WDR37: variants seen among roughly 807,000 people sequenced by gnomAD.
WDR37 encodes WD repeat-containing protein 37.
WDR37 carries 19 observed loss-of-function variants against 62.9 expected under a neutral mutation model. The observed-to-expected ratio is 0.30, with a 90% CI of 0.21 to 0.44. WDR37 has a LOEUF of 0.44. Ranked by LOEUF, WDR37 falls within the 20% of genes least tolerant of loss-of-function variation. The pLI is 1.00. For synonymous variants in WDR37, 250 were observed against 260.9 expected (o/e 0.96, Z 0.40); for missense variants, 474 against 657.6 (o/e 0.72, Z 3.05).
intron 11 of WDR37, among the ~76,000 whole-genome samples, chr10:1,123,450 ACTTCCTGTTTCTC>A (rs748858749): frequency 2.0e-4 from 31 of 152,322 alleles, no homozygotes; most frequent in Non-Finnish European, 3.7e-4. Context: ...CCTCTGTTCT[ACTTCCTGTTTCTC>A]TGAATTTGCC....
chr10:1,098,669 A>T (rs1834683729), intron 9 of WDR37, among the ~76,000 whole-genome samples: 3 of 152,230 alleles, frequency 2.0e-5, no homozygotes, highest in African/African-American at 4.8e-5. Flanking sequence ...GGCACGCGGC[A>T]GGATGGCGGT....
chr10:1,066,076 T>C (rs1833529290), intron 1 of WDR37, among the ~76,000 whole-genome samples: 1 of 150,896 alleles, frequency 6.6e-6, no homozygotes, highest in Non-Finnish European at 1.5e-5. Flanking sequence ...ACACAAAAAA[T>C]AAAAAGAGAG....
In WDR37 at chr10:1,075,784, C is replaced by CTTTTTTTT. The variant is rs11387795; in HGVS notation, c.139-2115_139-2108dup. Among the ~76,000 whole-genome samples the CTTTTTTTT allele has an allele frequency of 2.7e-3, 385 of 140,928 alleles. 1 individual carries two copies. Among genetic ancestry groups the CTTTTTTTT allele is most frequent in the East Asian group, 5.0e-3 (24 of 4,828 alleles). 92.5% of individuals were successfully genotyped at this position (140,928 alleles called of 152,430 possible). On this transcript the variant is annotated intron_variant, in intron 2 of 13. Coordinates refer to ENST00000263150, the MANE Select transcript of WDR37 (RefSeq NM_014023.4). ...TTATGTTTCATAGTTATTGGAACTT[C>CTTTTTTTT]TTTTTTTTTTTTTTTGAGACGGAGT...
intron 1 of WDR37, among the ~76,000 whole-genome samples, chr10:1,063,896 C>A (rs1483174301): frequency 6.6e-6 from 1 of 152,186 alleles, no homozygotes; most frequent in African/African-American, 2.4e-5. Context: ...AGAAGACTTA[C>A]ATCAGATCCT....
In WDR37 at chr10:1,129,582, A is replaced by T. The variant is rs577264185; in HGVS notation, c.*238A>T. ...TGGGTCCTCTGGGCAGTAGAGGCAAAGCTCACCTCCCATGTAGCACATGAA... is the reference window on the plus strand; with the variant it reads ...TGGGTCCTCTGGGCAGTAGAGGCAATGCTCACCTCCCATGTAGCACATGAA... On this transcript the variant is annotated 3_prime_UTR_variant, in exon 14 of 14. Transcript: ENST00000263150. 2.2e-6 allele frequency: 1 copy of T among 454,350 alleles called. No individual in the cohort carries two copies. Among genetic ancestry groups the T allele is most frequent in the East Asian group, 4.1e-5 (1 of 24,400 alleles). The allele number at this position is 454,350 out of a possible 1,614,324, so 28.1% of individuals were successfully genotyped here. A position where few individuals can be genotyped will look rare whatever the true frequency, so the allele number is the denominator to read the frequency against.
chr10:1,084,638 C>T, intron 6 of WDR37, 100 bp downstream of exon 6: 2 of 1,527,440 alleles, frequency 1.3e-6, no homozygotes, highest in Non-Finnish European at 8.9e-7. Flanking sequence ...ACCCTAGATG[C>T]AAAAGCGTCA....
intron 11 of WDR37, among the ~76,000 whole-genome samples, chr10:1,110,978 C>A (rs1453776588): frequency 6.6e-6 from 1 of 152,016 alleles, no homozygotes; most frequent in Non-Finnish European, 1.5e-5. Context: ...AGTTCTTTTC[C>A]TGAGCATTGA....
intron 1 of WDR37, among the ~76,000 whole-genome samples, chr10:1,070,510 C>T (rs1214740183): frequency 6.6e-6 from 1 of 152,048 alleles, no homozygotes; most frequent in Admixed American, 6.6e-5. Context: ...GCTACGACTT[C>T]CTTGAATTCT....
intron 1 of WDR37, among the ~76,000 whole-genome samples, chr10:1,064,095 G>A (rs1249908634): frequency 2.6e-5 from 4 of 152,194 alleles, no homozygotes; most frequent in South Asian, 4.1e-4. Context: ...AATAGCCTCA[G>A]GAAGAAAATA....
At chr10:1,078,619 A>G (rs1833944168) in intron 3 of WDR37, among the ~76,000 whole-genome samples, 1 of 152,208 alleles carries the variant, frequency 6.6e-6, no homozygotes, top group South Asian at 2.1e-4. Flanking sequence ...TCACAGTGAA[A>G]TAAACAGGTC....
intron 11 of WDR37, among the ~76,000 whole-genome samples, chr10:1,113,684 A>C (rs1030332400): frequency 4.6e-5 from 7 of 152,228 alleles, no homozygotes; most frequent in Admixed American, 6.5e-5. Context: ...GGAAACAGGA[A>C]GATAACTAGG....
At chr10:1,120,631 C>T (rs898045430) in intron 11 of WDR37, among the ~76,000 whole-genome samples, 3 of 152,202 alleles carry the variant, frequency 2.0e-5, no homozygotes, top group African/African-American at 4.8e-5. Context: ...CTGCCGTCCA[C>T]AGGACTCCCT....
chr10:1,092,273 G>A (rs1029021214), intron 7 of WDR37, among the ~76,000 whole-genome samples: 3 of 152,004 alleles, frequency 2.0e-5, no homozygotes, highest in Non-Finnish European at 4.4e-5. Flanking sequence ...TTGGGAGGCC[G>A]AGGTAGGCAG....
chr10:1,125,780 A>C lies in WDR37; in HGVS notation c.1353+756A>C, dbSNP rs867472569. Among the ~76,000 whole-genome samples the C allele has an allele frequency of 4.6e-5, 7 of 152,312 alleles. No individual in the cohort carries two copies. In the South Asian group the frequency reaches 1.4e-3, roughly 32 times the overall value. On this transcript the variant is annotated intron_variant, in intron 13 of 13. Transcript: ENST00000263150. Reference sequence around the variant, plus strand: ...CCTCCAGCCAGAAGAACACGTTTCTATGGCAGGCTGTTGCGACAGGAAGAA... The same window carrying C: ...CCTCCAGCCAGAAGAACACGTTTCTCTGGCAGGCTGTTGCGACAGGAAGAA...
At position 1,124,901 on chromosome 10, in the gene WDR37, T is replaced by A. The variant is rs138323790; in HGVS notation, c.1239-9T>A. On this transcript the variant is annotated splice_polypyrimidine_tract_variant and intron_variant, in intron 12 of 13. Transcript: ENST00000263150. ...TCATGCACAACCCACTTTTACCTCT[T>A]CTTTGCAGGATCAATGTATGTGTCG... is the stretch of plus-strand genomic sequence containing the variant. 1.8e-3 allele frequency: 2,978 copies of A among 1,614,040 alleles called. 4 individuals are homozygous for A. Among genetic ancestry groups the A allele is most frequent in the Non-Finnish European group, 2.2e-3 (2,633 of 1,179,978 alleles).
intron 11 of WDR37, among the ~76,000 whole-genome samples, chr10:1,112,183 A>T (rs576179931): frequency 1.3e-5 from 2 of 152,258 alleles, no homozygotes; most frequent in East Asian, 3.9e-4. Flanking sequence ...GCACGTGCTC[A>T]CTTCCTGCCT....
chr10:1,081,282 A>C (rs2131626642), intron 5 of WDR37, among the ~76,000 whole-genome samples: 1 of 152,214 alleles, frequency 6.6e-6, no homozygotes, highest in East Asian at 1.9e-4. Context: ...TTGGGAATTC[A>C]TTTGTCTGTG....
At chr10:1,090,062 G>A (rs1380463613) in intron 7 of WDR37, among the ~76,000 whole-genome samples, 4 of 152,204 alleles carry the variant, frequency 2.6e-5, no homozygotes, top group South Asian at 2.1e-4. Flanking sequence ...CGCCTCCCAC[G>A]TTGAAACGAT....
At chr10:1,082,357 A>G (rs190727983) in intron 5 of WDR37, among the ~76,000 whole-genome samples, 21 of 152,292 alleles carry the variant, frequency 1.4e-4, no homozygotes, top group Non-Finnish European at 2.8e-4. Flanking sequence ...CTGGGTGGCT[A>G]ATGAGATTTC....
Sources: allele counts gnomAD v4.1 joint callset (sites outside exome capture counted in the v4.1 genomes callset), GRCh38; gene constraint gnomAD v4.1.1; transcripts MANE v1.5; gene names NCBI Gene and HGNC (gene_info 2026-07-23, HGNC 2026-07-21).